PYGO1: variants seen among roughly 807,000 people sequenced by gnomAD.
The protein encoded by PYGO1 is pygopus family PHD finger 1, also known as pygopus homolog 1.
PYGO1 carries 6 observed loss-of-function variants against 29.5 expected under a neutral mutation model. The ratio of observed to expected loss-of-function variants is 0.20; its 90% confidence interval spans 0.11 to 0.40. The LOEUF (loss-of-function observed/expected upper bound fraction) is 0.40. Ranked by LOEUF, PYGO1 falls within the 10% of genes least tolerant of loss-of-function variation. The probability of loss-of-function intolerance (pLI) is 1.00; values close to 1 mark genes in which losing one functional copy is unlikely to be tolerated. For missense variants in PYGO1, 515 were observed against 514.9 expected (o/e 1.00, Z 0.00); for synonymous variants, 186 against 180.5 (o/e 1.03, Z -0.24).
chr15:55,584,481 AAATG>A (rs2059038651), intron 1 of PYGO1, among the ~76,000 whole-genome samples: 1 of 152,210 alleles, frequency 6.6e-6, no homozygotes, highest in Non-Finnish European at 1.5e-5. Flanking sequence ...TTTGTTGAAT[AAATG>A]AATGAATATT....
intron 1 of PYGO1, among the ~76,000 whole-genome samples, chr15:55,565,613 G>C (rs1428156393): frequency 1.3e-5 from 2 of 151,878 alleles, no homozygotes; most frequent in African/African-American, 4.8e-5. Flanking sequence ...TACTCAGGAG[G>C]GTGAGGCATG....
chr15:55,569,755 G>T (rs895409140), intron 1 of PYGO1, among the ~76,000 whole-genome samples: 1 of 152,186 alleles, frequency 6.6e-6, no homozygotes, highest in Non-Finnish European at 1.5e-5. Flanking sequence ...CAGATGAGAA[G>T]AATGTATATT....
intron 1 of PYGO1, among the ~76,000 whole-genome samples, chr15:55,575,666 C>G (rs1436085813): frequency 1.3e-5 from 2 of 152,144 alleles, no homozygotes; most frequent in Non-Finnish European, 2.9e-5. Context: ...GTCTACTATC[C>G]TGCATTGGCA....
rs565235228 is a variant in PYGO1 at position 55,583,768 on chromosome 15, A to G, written c.49+4067T>C. 2.6e-5 allele frequency among the ~76,000 whole-genome samples: 4 copies of G among 152,300 alleles called. No homozygotes were observed. The South Asian group carries it at 8.3e-4, about 32-fold the overall frequency. On this transcript the variant is annotated intron_variant, in intron 1 of 2. Coordinates refer to ENST00000563719, the MANE Select transcript of PYGO1 (RefSeq NM_001367806.1). ...AGTGATGCTCTTGCCTGAGCCTCCCAAAGTGCTGGGATTACAGGCATAAGC... is the reference window on the plus strand; with the variant it reads ...AGTGATGCTCTTGCCTGAGCCTCCCGAAGTGCTGGGATTACAGGCATAAGC...
chr15:55,558,671 C>T lies in PYGO1; in HGVS notation c.50-9676G>A, dbSNP rs548977807. Among the ~76,000 whole-genome samples, 3 of 151,224 alleles carry T rather than the reference C, an allele frequency of 2.0e-5. No homozygotes were observed. The East Asian group carries it at 5.8e-4, about 29-fold the overall frequency. ...AGAGATATAGACCAATGGAACAGAA[C>T]AGAGCCAACGCATGTACAACCATCT... On this transcript the variant is annotated intron_variant, in intron 1 of 2. Transcript: ENST00000563719.
chr15:55,554,885 AT>A (rs1204989495), intron 1 of PYGO1, among the ~76,000 whole-genome samples: 1 of 152,194 alleles, frequency 6.6e-6, no homozygotes, highest in Non-Finnish European at 1.5e-5. Context: ...TCTACAACTC[AT>A]TGGTTTCCCT....
chr15:55,578,449 T>A (rs7181809), intron 1 of PYGO1, among the ~76,000 whole-genome samples: 54 of 152,084 alleles, frequency 3.6e-4, no homozygotes, highest in Non-Finnish European at 6.6e-4. Flanking sequence ...TTTTCCACAG[T>A]GGCTACATCA....
intron 1 of PYGO1, among the ~76,000 whole-genome samples, chr15:55,577,764 ACTT>A (rs1369888591): frequency 8.5e-6 from 1 of 117,292 alleles, no homozygotes. Flanking sequence ...TTACTAATCT[ACTT>A]TTTTTTTTTT....
chr15:55,539,533 C>G lies in PYGO1; in HGVS notation c.*6490G>C, dbSNP rs571953615. 2 of 151,850 alleles carry G rather than the reference C, an allele frequency of 1.3e-5. No individual in the cohort carries two copies. Among genetic ancestry groups the G allele is most frequent in the African/African-American group, 2.4e-5 (1 of 41,372 alleles). The allele number at this position is 151,850 out of a possible 1,614,324, so 9.4% of individuals were successfully genotyped here. ...CATGAATTAATAATACTTCTTTAGA[C>G]GTCTATGATCTAAATAGAAACAGAC... On this transcript the variant is annotated 3_prime_UTR_variant, in exon 3 of 3. Transcript: ENST00000563719.
intron 1 of PYGO1, among the ~76,000 whole-genome samples, chr15:55,583,811 C>T (rs1028196028): frequency 3.3e-5 from 5 of 152,100 alleles, no homozygotes; most frequent in African/African-American, 1.2e-4. Flanking sequence ...CCTGGTCCCA[C>T]GTTAATGTTC....
intron 1 of PYGO1, among the ~76,000 whole-genome samples, chr15:55,577,136 G>A (rs957917468): frequency 2.0e-5 from 3 of 152,174 alleles, no homozygotes; most frequent in African/African-American, 7.2e-5. Flanking sequence ...CTGCTCATCT[G>A]AGACAAATGC....
rs1247045821 is a variant in PYGO1 at position 55,544,531 on chromosome 15, G to T, written c.*1492C>A. 1.3e-5 allele frequency: 2 copies of T among 152,110 alleles called. No homozygotes were observed. The highest frequency in any genetic ancestry group is 6.6e-5 in the Admixed American group (1 of 15,256). 9.4% of individuals were successfully genotyped at this position (152,110 alleles called of 1,614,324 possible). On this transcript the variant is annotated 3_prime_UTR_variant, in exon 3 of 3. Coordinates refer to ENST00000563719, the MANE Select transcript of PYGO1 (RefSeq NM_001367806.1). ...CGAGTCCTTGTCTGTGAAAGTGTAG[G>T]TTCTTGTGTGTTACCCAAAGGACAT...
intron 1 of PYGO1, among the ~76,000 whole-genome samples, chr15:55,579,818 T>C (rs1307808506): frequency 6.6e-6 from 1 of 152,258 alleles, no homozygotes; most frequent in African/African-American, 2.4e-5. Flanking sequence ...TTATACTTAC[T>C]ATACAGCAAA....
rs1328836322 is a variant in PYGO1 at position 55,546,513 on chromosome 15, G to A, written c.770C>T (p.Pro257Leu). ...TGTGTCATCCATATTCAAGTGAGGT[G>A]GATGAGCAGAGGAATTTTGATTAGT... ...KNTNQNSSAH[P>L]PHLNMDDTVN... The change falls in exon 3 of 3, where the codon CCA (proline) becomes CTA (leucine). Residue 257 changes from proline to leucine, a missense_variant. Pro to Leu is a moderately conservative substitution (Grantham distance 98). Coordinates refer to ENST00000563719, the MANE Select transcript of PYGO1 (RefSeq NM_001367806.1). The A allele has an allele frequency of 6.2e-7, 1 of 1,614,066 alleles. No homozygotes were observed. The highest frequency in any genetic ancestry group is 1.7e-5 in the Admixed American group (1 of 60,004).
chr15:55,551,305 C>G (rs1040893418), intron 1 of PYGO1, among the ~76,000 whole-genome samples: 22 of 152,190 alleles, frequency 1.4e-4, no homozygotes, highest in African/African-American at 5.1e-4. Context: ...TTTTCTTTAA[C>G]AGTTGTATTA....
intron 1 of PYGO1, among the ~76,000 whole-genome samples, chr15:55,569,032 G>T (rs2058969226): frequency 6.6e-6 from 1 of 151,938 alleles, no homozygotes; most frequent in African/African-American, 2.4e-5. Flanking sequence ...GTTCATCAGG[G>T]ATACTGGCCT....
In PYGO1 at chr15:55,540,829, C is replaced by CA. The variant is rs2058825556; in HGVS notation, c.*5193dup. ...ACATGTCACCAATGTGGAACACACT[C>CA]AGATTTGTATAAAAGTACTGAACTA... On this transcript the variant is annotated 3_prime_UTR_variant, in exon 3 of 3. Transcript: ENST00000563719. 6.6e-6 allele frequency: 1 copy of CA among 152,064 alleles called. No homozygotes were observed. Among genetic ancestry groups the CA allele is most frequent in the Non-Finnish European group, 1.5e-5 (1 of 68,010 alleles). The allele number at this position is 152,064 out of a possible 1,614,324, so 9.4% of individuals were successfully genotyped here. A position where few individuals can be genotyped will look rare whatever the true frequency, so the allele number is the denominator to read the frequency against.
chr15:55,546,399 G>T lies in PYGO1; in HGVS notation c.884C>A (p.Thr295Lys). 6.2e-7 allele frequency: 1 copy of T among 1,614,178 alleles called. No homozygotes were observed. The highest frequency in any genetic ancestry group is 8.5e-7 in the Non-Finnish European group (1 of 1,180,030). Residue 295 changes from threonine (T) to lysine (K), a missense_variant, in exon 3 of 3, where the codon ACA becomes AAA. By Grantham distance (78) the Thr-to-Lys change is moderately conservative (BLOSUM62 -1). Coordinates refer to ENST00000563719, the MANE Select transcript of PYGO1 (RefSeq NM_001367806.1). ...CGTCCCATTTGCAGGGTTATTGTTT[G>T]TGGCTTCAGTGCTACTTGAACGGCT... ...ENSRSSSTEA[T>K]NNNPANGTQN... is the part of the protein sequence containing the mutation.
At chr15:55,588,779 C>A, upstream of PYGO1, 1 of 1,611,720 alleles carries the variant, frequency 6.2e-7, no homozygotes, top group Non-Finnish European at 8.5e-7. Context: ...GGCCTCGCAG[C>A]TAGGGATCGG....
Sources: allele counts gnomAD v4.1 joint callset (sites outside exome capture counted in the v4.1 genomes callset), GRCh38; gene constraint gnomAD v4.1.1; transcripts MANE v1.5; gene names NCBI Gene and HGNC (gene_info 2026-07-23, HGNC 2026-07-21).